CSMD1: variants seen among roughly 807,000 people sequenced by gnomAD.
CSMD1 encodes the protein CUB and sushi domain-containing protein 1.
Under a neutral mutation model 417.5 loss-of-function variants are expected in CSMD1, and 213 were observed. The ratio of observed to expected loss-of-function variants is 0.51; its 90% CI spans 0.46 to 0.57. CSMD1 has a LOEUF of 0.57. CSMD1 is among the 20% of genes least tolerant of loss of function. The probability of loss-of-function intolerance (pLI) is 0.00; values close to 1 mark genes in which losing one functional copy is unlikely to be tolerated. For synonymous variants in CSMD1, 2,862 were observed against 1,736.8 expected (o/e 1.65, Z -16.11); for missense variants, 6,923 against 4,529.7 (o/e 1.53, Z -15.17).
chr8:4,163,599 T>C (rs941105065), intron 3 of CSMD1, among the ~76,000 whole-genome samples: 6 of 152,182 alleles, frequency 3.9e-5, no homozygotes, highest in African/African-American at 1.4e-4. Context: ...TGTTTTAAAG[T>C]GAGTGTTTTT....
At chr8:4,087,734 T>C (rs1800493721) in intron 3 of CSMD1, among the ~76,000 whole-genome samples, 1 of 152,182 alleles carries the variant, frequency 6.6e-6, no homozygotes, top group Non-Finnish European at 1.5e-5. Context: ...GCACCCTTTC[T>C]TCTGTCTCTC....
chr8:4,448,521 C>T (rs377421709), intron 2 of CSMD1, among the ~76,000 whole-genome samples: 4 of 152,292 alleles, frequency 2.6e-5, no homozygotes, highest in African/African-American at 7.2e-5. Context: ...CAGATTAGTA[C>T]ATAAGTTTAC....
chr8:4,322,583 T>G (rs1369097967), intron 3 of CSMD1, among the ~76,000 whole-genome samples: 3 of 152,174 alleles, frequency 2.0e-5, no homozygotes, highest in African/African-American at 7.2e-5. Context: ...GAAGGAAAAT[T>G]TCAACATAAA....
intron 1 of CSMD1, among the ~76,000 whole-genome samples, chr8:4,764,885 A>C (rs188790272): frequency 6.7e-5 from 5 of 74,782 alleles, no homozygotes; most frequent in African/African-American, 2.4e-4. Flanking sequence ...AAAAAAAAAA[A>C]AAAAAAAAAC....
chr8:4,952,750 T>C (rs1322726493), intron 1 of CSMD1, among the ~76,000 whole-genome samples: 1 of 152,158 alleles, frequency 6.6e-6, no homozygotes, highest in African/African-American at 2.4e-5. Flanking sequence ...TTTATTTTTA[T>C]TTGAAATTTC....
At chr8:4,207,885 C>T (rs191193993) in intron 3 of CSMD1, among the ~76,000 whole-genome samples, 166 of 152,126 alleles carry the variant, frequency 1.1e-3, no homozygotes, top group Non-Finnish European at 9.4e-4. Context: ...GAAATTAGTC[C>T]TCATGGAGCA....
intron 5 of CSMD1, among the ~76,000 whole-genome samples, chr8:3,836,988 C>T (rs1339148297): frequency 1.3e-5 from 2 of 151,612 alleles, no homozygotes; most frequent in African/African-American, 4.8e-5. Flanking sequence ...AACTAAGATC[C>T]TTAATTAGCT....
chr8:4,424,191 T>C (rs1019126658), intron 2 of CSMD1, among the ~76,000 whole-genome samples: 6 of 151,990 alleles, frequency 3.9e-5, no homozygotes, highest in African/African-American at 1.4e-4. Context: ...AGTTAATAAA[T>C]TGGATTTCAT....
intron 18 of CSMD1, among the ~76,000 whole-genome samples, chr8:3,385,778 G>A (rs946308891): frequency 4.6e-5 from 7 of 151,894 alleles, no homozygotes; most frequent in Non-Finnish European, 1.0e-4. Flanking sequence ...AAAAACTTAG[G>A]CATAACTACT....
chr8:4,448,033 C>T lies in CSMD1; in HGVS notation c.303-27968G>A, dbSNP rs73660847. Among the ~76,000 whole-genome samples the T allele has an allele frequency of 3.3e-3, 499 of 152,206 alleles. 3 individuals carry two copies. Among genetic ancestry groups the T allele is most frequent in the African/African-American group, 0.011 (468 of 41,530 alleles). ...TAAAACTAAAAAACTAAAGTGGTTC[C>T]GCATGAGGTTTCCTGGAATATCACC... On this transcript the variant is annotated intron_variant, in intron 2 of 69. Transcript: ENST00000635120.
chr8:3,033,587 C>T (rs553421809), intron 50 of CSMD1, among the ~76,000 whole-genome samples: 2 of 151,938 alleles, frequency 1.3e-5, no homozygotes, highest in African/African-American at 4.8e-5. Context: ...CATCACACAC[C>T]AGGGCCTGTC....
chr8:4,612,487 A>G (rs1801234596), intron 2 of CSMD1, among the ~76,000 whole-genome samples: 1 of 152,224 alleles, frequency 6.6e-6, no homozygotes, highest in Non-Finnish European at 1.5e-5. Context: ...TCACATGGAG[A>G]TGACCACAAC....
At chr8:3,562,063 G>T (rs924291167) in intron 10 of CSMD1, among the ~76,000 whole-genome samples, 1 of 151,560 alleles carries the variant, frequency 6.6e-6, no homozygotes, top group Admixed American at 6.6e-5. Flanking sequence ...CACTCTGCAG[G>T]TTTAGAGTAA....
chr8:3,385,860 A>G (rs978348194), intron 18 of CSMD1, among the ~76,000 whole-genome samples: 1 of 152,042 alleles, frequency 6.6e-6, no homozygotes, highest in Non-Finnish European at 1.5e-5. Flanking sequence ...CTGTGGGAAA[A>G]TGCCAGGGCT....
intron 1 of CSMD1, among the ~76,000 whole-genome samples, chr8:4,897,191 G>C (rs963726993): frequency 6.6e-6 from 1 of 152,078 alleles, no homozygotes; most frequent in African/African-American, 2.4e-5. Flanking sequence ...TGCAATGTCA[G>C]GGGAGGTAGA....
chr8:4,811,416 T>A (rs988960654), intron 1 of CSMD1, among the ~76,000 whole-genome samples: 19 of 152,280 alleles, frequency 1.2e-4, no homozygotes, highest in African/African-American at 4.6e-4. Context: ...TTATGTTGAA[T>A]CATATAAAAT....
chr8:3,850,540 C>T (rs541492818), intron 5 of CSMD1, among the ~76,000 whole-genome samples: 1 of 151,922 alleles, frequency 6.6e-6, no homozygotes, highest in Non-Finnish European at 1.5e-5. Flanking sequence ...ATTATGGATA[C>T]AAAAATTAGC....
At chr8:3,358,094 T>G (rs1016362743) in intron 21 of CSMD1, among the ~76,000 whole-genome samples, 18 of 152,276 alleles carry the variant, frequency 1.2e-4, no homozygotes, top group African/African-American at 3.9e-4. Context: ...TAAAACAAGT[T>G]ATGCTAAACA....
At chr8:3,965,093 G>A (rs1812579823) in intron 5 of CSMD1, among the ~76,000 whole-genome samples, 1 of 152,186 alleles carries the variant, frequency 6.6e-6, no homozygotes, top group South Asian at 2.1e-4. Flanking sequence ...AGCTGACTTA[G>A]TAAATGGATA....
Sources: allele counts gnomAD v4.1 joint callset (sites outside exome capture counted in the v4.1 genomes callset), GRCh38; gene constraint gnomAD v4.1.1; transcripts MANE v1.5; gene names NCBI Gene and HGNC (gene_info 2026-07-23, HGNC 2026-07-21).